Variants in PATL1 observed in about 807,000 individuals in gnomAD.
The protein encoded by PATL1 is protein PAT1 homolog 1.
In PATL1, 32 loss-of-function variants were observed where a neutral mutation model predicts 100.6. The observed-to-expected ratio is 0.32, with a 90% CI of 0.24 to 0.43. The LOEUF (loss-of-function observed/expected upper bound fraction) is 0.43, where lower values mean the gene tolerates loss of function less well. Ranked by LOEUF, PATL1 falls within the 20% of genes least tolerant of loss-of-function variation. The pLI, the probability that PATL1 is intolerant of heterozygous loss-of-function variation, is 1.00. For missense variants in PATL1, 747 were observed against 949.9 expected, an observed-to-expected ratio of 0.79 and a Z score of 2.81; for synonymous variants, 332 against 330.0, an observed-to-expected ratio of 1.01 and a Z score of -0.07.
At chr11:59,660,675 C>G (rs1861614662) in intron 2 of PATL1, among the ~76,000 whole-genome samples, 2 of 151,952 alleles carry the variant, frequency 1.3e-5, no homozygotes, top group South Asian at 4.2e-4. Flanking sequence ...AAAATGAGGT[C>G]AAGAAGTCAT....
At chr11:59,639,979 GAGAA>G (rs1421319403) in intron 16 of PATL1, 2 of 152,404 alleles carry the variant, frequency 1.3e-5, no homozygotes, top group African/African-American at 2.4e-5. Flanking sequence ...AATAAAAAGA[GAGAA>G]AGGGTAAACA....
chr11:59,639,438 C>G (rs1036184047), intron 16 of PATL1, 55 bp from the exon 17 acceptor site: 13 of 1,352,506 alleles, frequency 9.6e-6, no homozygotes, highest in Admixed American at 2.0e-5. Context: ...ACCTCCTCCA[C>G]CACTGTTGAA....
At chr11:59,638,741 C>G (rs989314832) in intron 18 of PATL1, among the ~76,000 whole-genome samples, 1 of 152,012 alleles carries the variant, frequency 6.6e-6, no homozygotes, top group African/African-American at 2.4e-5. Flanking sequence ...AGTGCAGTGG[C>G]GTGATCTCAG....
chr11:59,665,043 A>G (rs371231522), intron 2 of PATL1, among the ~76,000 whole-genome samples: 1 of 152,192 alleles, frequency 6.6e-6, no homozygotes, highest in South Asian at 2.1e-4. Flanking sequence ...CTCCTAACCC[A>G]TGCCTATAAT....
intron 16 of PATL1, chr11:59,639,608 A>G (rs906072458): frequency 4.3e-6 from 2 of 466,558 alleles, no homozygotes; most frequent in African/African-American, 3.9e-5. Flanking sequence ...CAGCCAACAG[A>G]AACGGAAAGT....
In PATL1 at chr11:59,647,145, C is replaced by G. The variant is rs184454760; in HGVS notation, c.1893+609G>C. On this transcript the variant is annotated intron_variant, in intron 15 of 18. Coordinates refer to ENST00000300146, the MANE Select transcript of PATL1 (RefSeq NM_152716.3). ...GGCTGAGGTGGCAGAATCACCTGAG[C>G]CTGGGATGTGGAGGCTGCAGTGAGC... is the stretch of plus-strand genomic sequence containing the variant. Among the ~76,000 whole-genome samples, 3 of 149,164 alleles carry G rather than the reference C, an allele frequency of 2.0e-5. No individual in the cohort carries two copies. The East Asian group carries it at 5.9e-4, about 29-fold the overall frequency.
chr11:59,652,064 C>CAA (rs748019832), intron 11 of PATL1, among the ~76,000 whole-genome samples: 916 of 52,956 alleles, frequency 0.017, 122 homozygotes, highest in Non-Finnish European at 0.023. Context: ...GGCTCTTTCT[C>CAA]AAAAAAAAAA....
Position 59,649,554 on chromosome 11 carries a change from C to G in PATL1, c.1641G>C (p.Leu547=), listed in dbSNP as rs1362148450. The part of the protein sequence containing the change: ...EDYERRYLLS[L]EEERPALMDD... The stretch of plus-strand genomic sequence containing the variant: ...CCATTAGGGCAGGTCGCTCTTCTTC[C>G]AGACTTAGGAGATAACGTCTTTCAT... The change falls in exon 14 of 19, where the codon CTG becomes CTC. Residue 547 remains leucine (L), a synonymous_variant. Coordinates refer to ENST00000300146, the MANE Select transcript of PATL1 (RefSeq NM_152716.3). 6.2e-7 allele frequency: 1 copy of G among 1,613,646 alleles called. No homozygotes were observed. Among genetic ancestry groups the G allele is most frequent in the Admixed American group, 1.7e-5 (1 of 59,956 alleles).
At chr11:59,658,495 G>T (rs997785275) in intron 4 of PATL1, among the ~76,000 whole-genome samples, 1 of 151,958 alleles carries the variant, frequency 6.6e-6, no homozygotes, top group African/African-American at 2.4e-5. Flanking sequence ...GTTAATTTTT[G>T]TATTTTTAGT....
chr11:59,640,520 T>C (rs2134735632), intron 16 of PATL1, among the ~76,000 whole-genome samples: 2 of 146,136 alleles, frequency 1.4e-5, no homozygotes. Flanking sequence ...GAGATCGAGA[T>C]CATCCTGGCT....
intron 13 of PATL1, among the ~76,000 whole-genome samples, chr11:59,650,076 T>A (rs1590698134): frequency 7.0e-6 from 1 of 142,608 alleles, no homozygotes; most frequent in Non-Finnish European, 1.5e-5. Flanking sequence ...AGCCAAGATC[T>A]CGCCATTGCA....
chr11:59,646,466 G>A (rs946494252), intron 15 of PATL1, among the ~76,000 whole-genome samples: 5 of 152,098 alleles, frequency 3.3e-5, no homozygotes, highest in Admixed American at 6.6e-5. Flanking sequence ...GATTATAGGC[G>A]TAAGCCACTG....
At chr11:59,663,540 GATA>G (rs1861652834) in intron 2 of PATL1, among the ~76,000 whole-genome samples, 1 of 152,032 alleles carries the variant, frequency 6.6e-6, no homozygotes, top group Non-Finnish European at 1.5e-5. Flanking sequence ...TTAAAATGAG[GATA>G]ATAATAGTAC....
At chr11:59,667,105 C>T in intron 1 of PATL1, 141 bp from the exon 2 acceptor site, 2 of 1,415,944 alleles carry the variant, frequency 1.4e-6, no homozygotes, top group Non-Finnish European at 1.8e-6. Context: ...TTTTTTTCTA[C>T]TTCCCAATTT....
chr11:59,647,707 T>A, intron 15 of PATL1, 47 bp downstream of exon 15: 1 of 1,582,474 alleles, frequency 6.3e-7, no homozygotes, highest in Non-Finnish European at 8.6e-7. Context: ...AGAAATCTTA[T>A]CACTTATAAA....
At chr11:59,658,508 G>C (rs1169908937) in intron 4 of PATL1, among the ~76,000 whole-genome samples, 3 of 151,814 alleles carry the variant, frequency 2.0e-5, no homozygotes, top group African/African-American at 7.3e-5. Flanking sequence ...TTTTTAGTAA[G>C]GATGGGGTTT....
chr11:59,643,589 G>A (rs1861317175), intron 15 of PATL1, among the ~76,000 whole-genome samples: 1 of 152,044 alleles, frequency 6.6e-6, no homozygotes, highest in Non-Finnish European at 1.5e-5. Context: ...CTACTCAATA[G>A]GCTGAGGTGG....
chr11:59,646,713 A>T (rs1861370194), intron 15 of PATL1, among the ~76,000 whole-genome samples: 1 of 152,140 alleles, frequency 6.6e-6, no homozygotes, highest in Non-Finnish European at 1.5e-5. Flanking sequence ...CATATATTCT[A>T]CTATTCTGAA....
intron 14 of PATL1, among the ~76,000 whole-genome samples, 195 bp downstream of exon 14, chr11:59,649,267 C>CT (rs1337764290): frequency 4.0e-5 from 6 of 151,776 alleles, no homozygotes; most frequent in Middle Eastern, 3.4e-3. Context: ...AGGATAAAGA[C>CT]TTTTTTTTTC....
Sources: gnomAD v4.1 joint callset for allele counts (sites outside exome capture counted in the v4.1 genomes callset) on GRCh38, gnomAD v4.1.1 for gene constraint, MANE v1.5 for transcripts, NCBI Gene and HGNC (gene_info 2026-07-23, HGNC 2026-07-21) for gene names.